The following RBFOX1 variants were observed in gnomAD, a reference collection of about 807,000 sequenced individuals.
RBFOX1 encodes RNA binding protein fox-1 homolog 1.
Under a neutral mutation model 57.7 loss-of-function variants are expected in RBFOX1, and 8 were observed. The ratio of observed to expected loss-of-function variants is 0.14; its 90% confidence interval spans 0.08 to 0.25. The LOEUF is 0.25. RBFOX1 is among the 10% of genes least tolerant of loss of function. The probability of loss-of-function intolerance (pLI) is 1.00; values close to 1 mark genes in which losing one functional copy is unlikely to be tolerated. For missense variants in RBFOX1, 611 were observed against 548.5 expected (o/e 1.11, Z -1.14); for synonymous variants, 326 against 222.4 (o/e 1.47, Z -4.15).
chr16:7,455,403 C>G (rs1328638373), intron 4 of RBFOX1, among the ~76,000 whole-genome samples: 1 of 152,168 alleles, frequency 6.6e-6, no homozygotes, highest in Non-Finnish European at 1.5e-5. Flanking sequence ...GCCTTACTCT[C>G]CATGCAAGAA....
intron 3 of RBFOX1, among the ~76,000 whole-genome samples, chr16:6,836,145 G>A (rs904970885): frequency 6.6e-6 from 1 of 152,164 alleles, no homozygotes; most frequent in Non-Finnish European, 1.5e-5. Context: ...TATTTCATGG[G>A]TGAACCATTA....
intron 4 of RBFOX1, among the ~76,000 whole-genome samples, chr16:7,110,325 C>T (rs2064474218): frequency 6.6e-6 from 1 of 151,984 alleles, no homozygotes; most frequent in African/African-American, 2.4e-5. Flanking sequence ...CATGCCACTG[C>T]ACTCCAGCTT....
At chr16:7,689,015 C>T (rs1354906581) in intron 14 of RBFOX1, among the ~76,000 whole-genome samples, 2 of 152,030 alleles carry the variant, frequency 1.3e-5, no homozygotes, top group African/African-American at 4.8e-5. Context: ...CAGGTTTCAC[C>T]TCTACCACTT....
chr16:6,152,915 G>T (rs901869370), intron 1 of RBFOX1, among the ~76,000 whole-genome samples: 5 of 152,138 alleles, frequency 3.3e-5, no homozygotes, highest in African/African-American at 7.2e-5. Context: ...GAAATAAGTC[G>T]ATGGTTTTAA....
intron 2 of RBFOX1, among the ~76,000 whole-genome samples, chr16:6,472,488 G>T (rs1365516640): frequency 2.0e-5 from 3 of 152,176 alleles, no homozygotes; most frequent in South Asian, 2.1e-4. Context: ...GTTGCATCCT[G>T]TTGTTTCCTT....
In RBFOX1 at chr16:6,757,183, A is replaced by C. The variant is rs576863261; in HGVS notation, c.-16+102533A>C. 3.3e-5 allele frequency among the ~76,000 whole-genome samples: 5 copies of C among 152,326 alleles called. No homozygotes were observed. In the East Asian group the frequency reaches 9.6e-4, roughly 29 times the overall value. ...AGGATGTGGAGAAAAGGGAACTTTT[A>C]TGCACTGTTGGTTGGAATGAAAATT... On this transcript the variant is annotated intron_variant, in intron 3 of 15. Coordinates refer to ENST00000550418, the MANE Select transcript of RBFOX1 (RefSeq NM_018723.4).
chr16:6,967,232 T>G (rs2084464404), intron 3 of RBFOX1, among the ~76,000 whole-genome samples: 1 of 152,124 alleles, frequency 6.6e-6, no homozygotes, highest in Non-Finnish European at 1.5e-5. Flanking sequence ...TCCATTTGTT[T>G]ATACATTCAT....
chr16:5,966,249 T>G (rs938988972), intron 4 of RBFOX1, among the ~76,000 whole-genome samples: 1 of 152,328 alleles, frequency 6.6e-6, no homozygotes, highest in Admixed American at 6.5e-5. Context: ...CTTGTGCTGC[T>G]GTAAAGAAAT....
intron 3 of RBFOX1, among the ~76,000 whole-genome samples, chr16:5,711,741 A>G (rs9932624): frequency 0.035 from 5,404 of 152,252 alleles, 336 homozygotes; most frequent in African/African-American, 0.12. Context: ...GTGGTAAGCA[A>G]TCAGGTTTGC....
At chr16:5,439,730 C>T (rs2068028392) in intron 1 of RBFOX1, among the ~76,000 whole-genome samples, 1 of 152,110 alleles carries the variant, frequency 6.6e-6, no homozygotes, top group Non-Finnish European at 1.5e-5. Flanking sequence ...CAGGTTTGAG[C>T]CACTGTCCTG....
At chr16:6,935,089 C>G (rs556483776) in intron 3 of RBFOX1, among the ~76,000 whole-genome samples, 1 of 150,408 alleles carries the variant, frequency 6.6e-6, no homozygotes, top group South Asian at 2.1e-4. Flanking sequence ...ACCCCCATCT[C>G]GGAAAAAAAA....
intron 4 of RBFOX1, among the ~76,000 whole-genome samples, chr16:7,317,530 G>T (rs73561846): frequency 0.03 from 4,576 of 152,246 alleles, 145 homozygotes; most frequent in African/African-American, 0.082. Flanking sequence ...TCTCATGTAT[G>T]AGTTGGTAGC....
At chr16:7,618,350 T>C (rs1334266020) in intron 10 of RBFOX1, among the ~76,000 whole-genome samples, 1 of 152,178 alleles carries the variant, frequency 6.6e-6, no homozygotes, top group Non-Finnish European at 1.5e-5. Flanking sequence ...AATATGTGCG[T>C]GAAGCCCTGT....
chr16:5,604,376 A>C (rs912301984), downstream of RBFOX1, among the ~76,000 whole-genome samples: 1 of 152,124 alleles, frequency 6.6e-6, no homozygotes, highest in Non-Finnish European at 1.5e-5. Flanking sequence ...TCTGGAGCTC[A>C]GGGTCCCTTT....
chr16:6,483,999 G>C, intron 2 of RBFOX1: 3 of 973,568 alleles, frequency 3.1e-6, no homozygotes, highest in Middle Eastern at 5.1e-4. Context: ...GGGTGGTCTG[G>C]ACACTTGGAG....
At chr16:7,217,006 C>CCCTT (rs1567748176) in intron 4 of RBFOX1, among the ~76,000 whole-genome samples, 1 of 57,280 alleles carries the variant, frequency 1.7e-5, no homozygotes, top group Non-Finnish European at 3.2e-5. Flanking sequence ...CTCCCTCCCT[C>CCCTT]CCTTCCCTCC....
intron 2 of RBFOX1, among the ~76,000 whole-genome samples, chr16:5,568,877 G>C (rs1033502008): frequency 1.3e-5 from 2 of 152,158 alleles, no homozygotes; most frequent in Admixed American, 6.5e-5. Flanking sequence ...GTCTTGCTCT[G>C]TTGCCCAGGT....
chr16:7,278,987 A>T (rs79703802), intron 4 of RBFOX1, among the ~76,000 whole-genome samples: 4,131 of 151,070 alleles, frequency 0.027, 99 homozygotes, highest in East Asian at 0.13. Flanking sequence ...ATTTGATTAT[A>T]TTTCTCTTAA....
intron 3 of RBFOX1, among the ~76,000 whole-genome samples, chr16:5,624,924 A>G (rs1378453554): frequency 1.3e-5 from 2 of 152,180 alleles, no homozygotes; most frequent in African/African-American, 2.4e-5. Flanking sequence ...TCTGGTGCCA[A>G]ACAGCAAAAT....
Sources: allele counts gnomAD v4.1 joint callset (sites outside exome capture counted in the v4.1 genomes callset), GRCh38; gene constraint gnomAD v4.1.1; transcripts MANE v1.5; gene names NCBI Gene and HGNC (gene_info 2026-07-23, HGNC 2026-07-21).